BCLAF1: variants seen among roughly 807,000 people sequenced by gnomAD.
BCLAF1 encodes the protein bcl-2-associated transcription factor 1.
In BCLAF1, 10 loss-of-function variants were observed where a neutral mutation model predicts 99.5. The ratio of observed to expected loss-of-function variants is 0.10; its 90% CI spans 0.06 to 0.17. BCLAF1 has a LOEUF of 0.17. Among genes scored for constraint, BCLAF1 ranks in the 10% least tolerant of loss-of-function variants. The pLI is 1.00. For missense variants in BCLAF1, 636 were observed against 1,105.8 expected (o/e 0.58, Z 6.02); for synonymous variants, 255 against 370.9 (o/e 0.69, Z 3.59).
chr6:136,274,553 T>C (rs1157373636), intron 6 of BCLAF1, among the ~76,000 whole-genome samples: 2 of 152,076 alleles, frequency 1.3e-5, no homozygotes, highest in African/African-American at 2.4e-5. Context: ...CATCTAACTA[T>C]TCACTGTTCT....
intron 6 of BCLAF1, among the ~76,000 whole-genome samples, chr6:136,275,016 GTTTTATCA>G (rs1033534002): frequency 2.6e-5 from 4 of 151,634 alleles, no homozygotes; most frequent in African/African-American, 9.7e-5. Context: ...AAATTTTCTT[GTTTTATCA>G]TTTTAAGATT....
chr6:136,273,133 T>C lies in BCLAF1; in HGVS notation c.1907A>G (p.Gln636Arg). The C allele has an allele frequency of 1.2e-6, 2 of 1,612,326 alleles. No individual in the cohort carries two copies. The highest frequency in any genetic ancestry group is 1.7e-6 in the Non-Finnish European group (2 of 1,178,670). ...AGTACTATGTTCTTCAGTGGCTTTC[T>C]GATACGAAGTGAACCGCTCGTTTAG... is the stretch of plus-strand genomic sequence containing the variant. Reference protein sequence around the residue: ...MTLNERFTSYQKATEEHSTRQ... With the variant: ...MTLNERFTSYRKATEEHSTRQ... The change falls in exon 7 of 13, where the codon CAG (glutamine) becomes CGG (arginine). Residue 636 changes from glutamine (Q) to arginine (R), a missense_variant. Gln to Arg is a conservative substitution (Grantham distance 43). Around this residue, in one of 9 missense-constraint regions of BCLAF1, gnomAD observed 180 missense variants for 270.0 expected, o/e 0.67. Coordinates refer to ENST00000531224, the MANE Select transcript of BCLAF1 (RefSeq NM_014739.3).
In BCLAF1 at chr6:136,289,707, G is replaced by A. The variant is rs1470719669; in HGVS notation, c.-115+6C>T. On this transcript the variant is annotated splice_donor_region_variant and intron_variant, in intron 1 of 12. Coordinates refer to ENST00000531224, the MANE Select transcript of BCLAF1 (RefSeq NM_014739.3). ...TGGAGTAACTTGAATACATTGCGAG[G>A]CCTACCTGACACGCCGAATCGCGGT... 6.5e-6 allele frequency: 1 copy of A among 152,796 alleles called. No homozygotes were observed. The highest frequency in any genetic ancestry group is 2.1e-4 in the South Asian group (1 of 4,830). The allele number at this position is 152,796 out of a possible 1,614,324, so 9.5% of individuals were successfully genotyped here. A position where few individuals can be genotyped will look rare whatever the true frequency, so the allele number is the denominator to read the frequency against.
At chr6:136,281,845 G>A (rs866832837) in intron 2 of BCLAF1, among the ~76,000 whole-genome samples, 2 of 152,274 alleles carry the variant, frequency 1.3e-5, no homozygotes, top group South Asian at 4.1e-4. Flanking sequence ...AGCACAACAG[G>A]TATTTAATAA....
At chr6:136,264,126 T>C (rs1781401432) in intron 11 of BCLAF1, among the ~76,000 whole-genome samples, 1 of 152,284 alleles carries the variant, frequency 6.6e-6, no homozygotes, top group Non-Finnish European at 1.5e-5. Context: ...AAAGCCTTTT[T>C]TAAGTATTCA....
Position 136,260,264 on chromosome 6 carries a change from TTC to T in BCLAF1, c.*844_*845del, listed in dbSNP as rs1263540682. ...ACCAACCCCAGGATTACAGTTTTTC[TTC>T]TGTTTAAAACTAGGATGTTCAGTAG... On this transcript the variant is annotated 3_prime_UTR_variant, in exon 13 of 13. Coordinates refer to ENST00000531224, the MANE Select transcript of BCLAF1 (RefSeq NM_014739.3). The T allele has an allele frequency of 6.6e-6, 1 of 152,056 alleles. No homozygotes were observed. Among genetic ancestry groups the T allele is most frequent in the East Asian group, 1.9e-4 (1 of 5,204 alleles). The allele number at this position is 152,056 out of a possible 1,614,324, so 9.4% of individuals were successfully genotyped here.
In BCLAF1 at chr6:136,261,309, T is replaced by C. The variant is rs1432047300; in HGVS notation, c.2713A>G (p.Met905Val). Residue 905 changes from methionine to valine, a missense_variant, in exon 12 of 13, where the codon ATG (methionine) becomes GTG (valine). By Grantham distance (21) the Met-to-Val change is conservative. Around this residue, in one of 9 missense-constraint regions of BCLAF1, gnomAD observed 57 missense variants for 116.7 expected, o/e 0.49. Coordinates refer to ENST00000531224, the MANE Select transcript of BCLAF1 (RefSeq NM_014739.3). ...TCCTTCTTTTCTTCATTATTTTCCA[T>C]GGTCTCTTCTTCATCTTCAACAATC... ...DGIVEDEEET[M>V]ENNEEKKDRR... 3.1e-6 allele frequency: 5 copies of C among 1,613,910 alleles called. No individual in the cohort carries two copies. In the South Asian group the frequency reaches 4.4e-5, roughly 14 times the overall value.
Position 136,278,026 on chromosome 6 carries a change from A to C in BCLAF1, c.855T>G (p.Ser285Arg). 1 of 1,597,860 alleles carries C rather than the reference A, an allele frequency of 6.3e-7. No homozygotes were observed. Among genetic ancestry groups the C allele is most frequent in the Non-Finnish European group, 8.5e-7 (1 of 1,170,068 alleles). ...GATGAATTGGACTATTCTGAGAAGG[A>C]CTGTATCGACTAGATCCATTTCCAA... ...GSVGNGSSRYSPSQNSPIHHI... is the reference protein window; with the variant it reads ...GSVGNGSSRYRPSQNSPIHHI... Residue 285 changes from serine to arginine, a missense_variant, in exon 4 of 13, where the codon AGT becomes AGG. By Grantham distance (110) the Ser-to-Arg change is moderately radical (BLOSUM62 -1). Transcript: ENST00000531224.
In BCLAF1 at chr6:136,258,492, C is replaced by T. The variant is rs537059797; in HGVS notation, c.*2618G>A. 7 of 152,614 alleles carry T rather than the reference C, an allele frequency of 4.6e-5. No individual in the cohort carries two copies. The South Asian group carries it at 1.4e-3, about 32-fold the overall frequency. 9.5% of individuals were successfully genotyped at this position (152,614 alleles called of 1,614,324 possible). On this transcript the variant is annotated 3_prime_UTR_variant, in exon 13 of 13. Coordinates refer to ENST00000531224, the MANE Select transcript of BCLAF1 (RefSeq NM_014739.3). Reference sequence around the variant, plus strand: ...ATAAAGCATTTATCAAGCCTTACCACACCAGTAATCTTCCTAACAGATGCG... The same window carrying T: ...ATAAAGCATTTATCAAGCCTTACCATACCAGTAATCTTCCTAACAGATGCG...
intron 8 of BCLAF1, among the ~76,000 whole-genome samples, chr6:136,270,582 A>T (rs907101370): frequency 1.3e-5 from 2 of 151,870 alleles, no homozygotes; most frequent in Non-Finnish European, 2.9e-5. Context: ...AAAAAAATCT[A>T]ATCAAGAGCA....
chr6:136,289,380 CA>C (rs1010726716), intron 1 of BCLAF1, among the ~76,000 whole-genome samples: 27 of 152,196 alleles, frequency 1.8e-4, no homozygotes, highest in African/African-American at 6.0e-4. Flanking sequence ...CGGGCGCGCG[CA>C]GAGGTACGGG....
intron 11 of BCLAF1, among the ~76,000 whole-genome samples, chr6:136,262,127 C>T (rs1781092721): frequency 6.6e-6 from 1 of 152,050 alleles, no homozygotes; most frequent in South Asian, 2.1e-4. Context: ...CAGCTTTAAC[C>T]ATTAATTGTA....
Position 136,259,233 on chromosome 6 carries a change from A to C in BCLAF1, c.*1877T>G, listed in dbSNP as rs769067391. On this transcript the variant is annotated 3_prime_UTR_variant, in exon 13 of 13. Coordinates refer to ENST00000531224, the MANE Select transcript of BCLAF1 (RefSeq NM_014739.3). ...AGGTTAAAGCAATGCATTTGAACTT[A>C]AAATATAACCTGCCCACAGGAATTA... The C allele has an allele frequency of 2.6e-5, 4 of 152,026 alleles. No homozygotes were observed. Among genetic ancestry groups the C allele is most frequent in the African/African-American group, 9.6e-5 (4 of 41,452 alleles). 9.4% of individuals were successfully genotyped at this position (152,026 alleles called of 1,614,324 possible).
At chr6:136,277,032 T>A (rs796564484) in intron 4 of BCLAF1, among the ~76,000 whole-genome samples, 1 of 152,224 alleles carries the variant, frequency 6.6e-6, no homozygotes, top group Admixed American at 6.5e-5. Context: ...CACTATTTCA[T>A]AGAAACTAAT....
rs1049636096 is a variant in BCLAF1, at chr6:136,259,455, A to G, written c.*1655T>C. On this transcript the variant is annotated 3_prime_UTR_variant, in exon 13 of 13. Coordinates refer to ENST00000531224, the MANE Select transcript of BCLAF1 (RefSeq NM_014739.3). ...ACATCCATGTTGCTTTCACACGTAA[A>G]TAAGTATTATTCTGAACAGGAGAAT... is the stretch of plus-strand genomic sequence containing the variant. The G allele has an allele frequency of 1.3e-5, 2 of 152,054 alleles. No individual in the cohort carries two copies. The highest frequency in any genetic ancestry group is 6.6e-5 in the Admixed American group (1 of 15,266). 9.4% of individuals were successfully genotyped at this position (152,054 alleles called of 1,614,324 possible).
At chr6:136,289,428 G>T (rs1026729648) in intron 1 of BCLAF1, among the ~76,000 whole-genome samples, 3 of 152,180 alleles carry the variant, frequency 2.0e-5, no homozygotes, top group African/African-American at 7.2e-5. Flanking sequence ...AGGAAGATAT[G>T]CGCACGCGCA....
chr6:136,279,936 A>G (rs915277940), intron 2 of BCLAF1, 60 bp from the exon 3 acceptor site: 82 of 1,321,882 alleles, frequency 6.2e-5, no homozygotes, highest in Non-Finnish European at 7.8e-5. Context: ...AAAATTTTAC[A>G]TTATTACTTA....
rs1370718036 is a variant in BCLAF1 at position 136,273,095 on chromosome 6, G to A, written c.1945C>T (p.Pro649Ser). The A allele has an allele frequency of 6.2e-7, 1 of 1,611,088 alleles. No homozygotes were observed. Among genetic ancestry groups the A allele is most frequent in the Non-Finnish European group, 8.5e-7 (1 of 1,178,022 alleles). Residue 649 changes from proline to serine, a missense_variant, in exon 7 of 13, where the codon CCT becomes TCT. This residue lies in a region of BCLAF1 where 180 missense variants were observed against 270.0 expected (regional missense o/e 0.67). Coordinates refer to ENST00000531224, the MANE Select transcript of BCLAF1 (RefSeq NM_014739.3). ...TEEHSTRQKS[P>S]EIHRRIDISP... ...CAGGATACATACCTGTGTATTTCAG[G>A]GCTCTTTTGCCGAGTACTATGTTCT...
chr6:136,283,070 G>A (rs1008399649), intron 1 of BCLAF1, among the ~76,000 whole-genome samples: 3 of 147,606 alleles, frequency 2.0e-5, no homozygotes, highest in African/African-American at 7.5e-5. Context: ...GGCTGATGCA[G>A]AAGGATCACT....
Sources: allele counts gnomAD v4.1 joint callset (sites outside exome capture counted in the v4.1 genomes callset), GRCh38; gene constraint gnomAD v4.1.1; regional missense constraint gnomAD v4.1.1; transcripts MANE v1.5; gene names NCBI Gene and HGNC (gene_info 2026-07-23, HGNC 2026-07-21).